Variants in MAP3K14 observed in about 807,000 individuals in gnomAD.
MAP3K14 encodes the protein NF-kappa-beta-inducing kinase.
MAP3K14 carries 16 observed loss-of-function variants against 99.2 expected under a neutral mutation model. That is an observed-to-expected ratio of 0.16 (90% confidence interval 0.11 to 0.24). The LOEUF (loss-of-function observed/expected upper bound fraction) is 0.24, where lower values mean the gene tolerates loss of function less well. Among genes scored for constraint, MAP3K14 ranks in the 10% least tolerant of loss-of-function variants. The probability of loss-of-function intolerance (pLI) is 1.00; values close to 1 mark genes in which losing one functional copy is unlikely to be tolerated. For missense variants in MAP3K14, 784 were observed against 1,208.7 expected, an observed-to-expected ratio of 0.65 and a Z score of 5.21; for synonymous variants, 462 against 492.4, an observed-to-expected ratio of 0.94 and a Z score of 0.82.
intron 1 of MAP3K14, 74 bp from the exon 2 acceptor site, chr17:45,290,839 G>C: frequency 6.7e-7 from 1 of 1,487,946 alleles, no homozygotes; most frequent in Admixed American, 1.9e-5. Flanking sequence ...CCTTGGGTTG[G>C]GGGAGAAAGG....
At chr17:45,279,256 A>G (rs889693224) in intron 6 of MAP3K14, among the ~76,000 whole-genome samples, 2 of 151,910 alleles carry the variant, frequency 1.3e-5, no homozygotes, top group African/African-American at 4.8e-5. Flanking sequence ...CAGCCTCCTG[A>G]GTAGCTGAGA....
At chr17:45,299,395 T>TA (rs1465412192) in intron 1 of MAP3K14, among the ~76,000 whole-genome samples, 2 of 150,532 alleles carry the variant, frequency 1.3e-5, no homozygotes, top group South Asian at 2.1e-4. Flanking sequence ...TTTATGAAAA[T>TA]AAAAAAAAAG....
intron 8 of MAP3K14, chr17:45,273,894 G>A: frequency 1.5e-6 from 1 of 651,738 alleles, no homozygotes; most frequent in East Asian, 2.7e-5. Flanking sequence ...TCACCAGTGG[G>A]TGGGAGCTTG....
In MAP3K14 at chr17:45,263,290, G is replaced by A. The variant is rs1465532236; in HGVS notation, c.*1346C>T. On this transcript the variant is annotated 3_prime_UTR_variant, in exon 16 of 16. Coordinates refer to ENST00000344686, the MANE Select transcript of MAP3K14 (RefSeq NM_003954.5). ...AGCTGGACAAAGGCTGTCTTGGCAA[G>A]ATGTGGGAATGAGCTTCTCCCACGG... 6.6e-6 allele frequency: 1 copy of A among 152,486 alleles called. No individual in the cohort carries two copies. Among genetic ancestry groups the A allele is most frequent in the Non-Finnish European group, 1.5e-5 (1 of 68,052 alleles). The allele number at this position is 152,486 out of a possible 1,614,324, so 9.4% of individuals were successfully genotyped here.
chr17:45,277,469 T>C (rs1045393496), intron 6 of MAP3K14, among the ~76,000 whole-genome samples: 1 of 152,150 alleles, frequency 6.6e-6, no homozygotes, highest in Non-Finnish European at 1.5e-5. Context: ...TTTTTGGACT[T>C]TTGCCTATCA....
At chr17:45,284,267 T>A (rs1265984036) in intron 6 of MAP3K14, among the ~76,000 whole-genome samples, 1 of 152,190 alleles carries the variant, frequency 6.6e-6, no homozygotes, top group African/African-American at 2.4e-5. Context: ...ACCCGGCCAG[T>A]GACTTCCTGT....
intron 6 of MAP3K14, among the ~76,000 whole-genome samples, chr17:45,282,548 C>T (rs1392610395): frequency 9.6e-6 from 1 of 104,326 alleles, no homozygotes; most frequent in African/African-American, 4.1e-5. Flanking sequence ...GAGCGAGATC[C>T]TGTCTCAAAA....
rs1440721874 is a variant in MAP3K14, at chr17:45,287,175, C to T, written c.516G>A (p.Glu172=). ...TCACCTGCACTGGGATGGTGCAGCT[C>T]TCCTGCTCAGGGGTCCTGGGGAGGG... ...AKPLPRTPEQ[E]SCTIPVQEDE... Residue 172 remains glutamate (E), a synonymous_variant, in exon 4 of 16, where the codon GAG becomes GAA. Coordinates refer to ENST00000344686, the MANE Select transcript of MAP3K14 (RefSeq NM_003954.5). 1.2e-6 allele frequency: 2 copies of T among 1,613,846 alleles called. No individual in the cohort carries two copies. The highest frequency in any genetic ancestry group is 1.7e-6 in the Non-Finnish European group (2 of 1,179,808).
chr17:45,273,732 G>A lies in MAP3K14; in HGVS notation c.1553-125C>T, dbSNP rs1286189799. 4.0e-6 allele frequency: 3 copies of A among 745,238 alleles called. No individual in the cohort carries two copies. The Admixed American group carries it at 6.0e-5, about 15-fold the overall frequency. The allele number at this position is 745,238 out of a possible 1,614,324, so 46.2% of individuals were successfully genotyped here. On this transcript the variant is annotated intron_variant, in intron 8 of 15. Coordinates refer to ENST00000344686, the MANE Select transcript of MAP3K14 (RefSeq NM_003954.5). ...TGGCTGACCCTACGTGGCAGCTGCT[G>A]CTTCTGATTAGTTTCATTAATCGTG...
chr17:45,266,506 G>A (rs776686902), intron 14 of MAP3K14, 31 bp downstream of exon 14: 2 of 1,580,784 alleles, frequency 1.3e-6, no homozygotes, highest in South Asian at 2.2e-5. Context: ...CTGCCACGGG[G>A]ACTGCTGAGC....
chr17:45,304,250 C>T (rs746674448), intron 1 of MAP3K14, among the ~76,000 whole-genome samples: 35 of 152,248 alleles, frequency 2.3e-4, no homozygotes, highest in South Asian at 6.2e-4. Context: ...ACAATCCACC[C>T]GCCTTGGCCT....
At chr17:45,276,172 C>T (rs2044178738) in intron 6 of MAP3K14, among the ~76,000 whole-genome samples, 1 of 152,188 alleles carries the variant, frequency 6.6e-6, no homozygotes, top group Admixed American at 6.5e-5. Flanking sequence ...TCTGAGGAGG[C>T]TTCTGGGGAG....
At chr17:45,311,732 C>T (rs1450340957) in intron 1 of MAP3K14, among the ~76,000 whole-genome samples, 1 of 152,214 alleles carries the variant, frequency 6.6e-6, no homozygotes, top group African/African-American at 2.4e-5. Flanking sequence ...GAGACTCCAA[C>T]TCAGGTGGCT....
In MAP3K14 at chr17:45,273,955, A is replaced by T. The variant is rs1014312466; in HGVS notation, c.1552+168T>A. On this transcript the variant is annotated intron_variant, in intron 8 of 15. Coordinates refer to ENST00000344686, the MANE Select transcript of MAP3K14 (RefSeq NM_003954.5). Reference sequence around the variant, plus strand: ...CTACCAGAAACTACAGTGCTTGGCTAAGGGGTTGGAGAACATCATTCCCCT... The same window carrying T: ...CTACCAGAAACTACAGTGCTTGGCTTAGGGGTTGGAGAACATCATTCCCCT... 6.2e-6 allele frequency: 5 copies of T among 810,484 alleles called. No homozygotes were observed. The African/African-American group carries it at 6.9e-5, about 11-fold the overall frequency. The allele number at this position is 810,484 out of a possible 1,614,324, so 50.2% of individuals were successfully genotyped here. A position where few individuals can be genotyped will look rare whatever the true frequency, so the allele number is the denominator to read the frequency against.
At chr17:45,289,422 A>C in intron 2 of MAP3K14, 117 bp from the exon 3 acceptor site, 1 of 769,360 alleles carries the variant, frequency 1.3e-6, no homozygotes. Flanking sequence ...CTTTCCAGAC[A>C]ACCCCTGTCT....
intron 1 of MAP3K14, among the ~76,000 whole-genome samples, chr17:45,306,878 C>T (rs777609546): frequency 1.6e-4 from 24 of 152,174 alleles, no homozygotes; most frequent in African/African-American, 4.6e-4. Context: ...ACATGTCGGG[C>T]AAGGTAGTAT....
Position 45,270,489 on chromosome 17 carries a change from C to T in MAP3K14, c.1896G>A (p.Glu632=). The change falls in exon 11 of 16, where the codon GAG becomes GAA. Residue 632 remains glutamate, a synonymous_variant. Coordinates refer to ENST00000344686, the MANE Select transcript of MAP3K14 (RefSeq NM_003954.5). ...CAPLTAQAIQ[E]GLRKEPIHRV... is the part of the protein sequence containing the mutation. ...GGTGGATGGGCTCTTTCCTCAGCCC[C>T]TCTTGGATGGCCTGGGCTGTGAGAG... 6.2e-7 allele frequency: 1 copy of T among 1,610,370 alleles called. No individual in the cohort carries two copies. Among genetic ancestry groups the T allele is most frequent in the Non-Finnish European group, 8.5e-7 (1 of 1,178,586 alleles).
intron 1 of MAP3K14, among the ~76,000 whole-genome samples, chr17:45,293,985 T>C (rs2044330577): frequency 6.6e-6 from 1 of 152,264 alleles, no homozygotes; most frequent in African/African-American, 2.4e-5. Flanking sequence ...CTTTGGTCTC[T>C]GGCTGTCACC....
chr17:45,305,445 G>C lies in MAP3K14; in HGVS notation c.-21+11515C>G, dbSNP rs567096118. On this transcript the variant is annotated intron_variant, in intron 1 of 15. Transcript: ENST00000344686. ...CAGAGTCTTGCTGTCACCCAGGCTG[G>C]AGTGCAGTGGTGTGATCTTGGCTCA... Among the ~76,000 whole-genome samples the C allele has an allele frequency of 8.0e-5, 12 of 150,316 alleles. 1 individual carries two copies. In the East Asian group the frequency reaches 2.3e-3, roughly 29 times the overall value.
Sources: gnomAD v4.1 joint callset for allele counts (sites outside exome capture counted in the v4.1 genomes callset) on GRCh38, gnomAD v4.1.1 for gene constraint, MANE v1.5 for transcripts, NCBI Gene and HGNC (gene_info 2026-07-23, HGNC 2026-07-21) for gene names.